FAM120C: variants seen among roughly 807,000 people sequenced by gnomAD.
FAM120C encodes constitutive coactivator of PPAR-gamma-like protein 2.
Under a neutral mutation model 71.2 loss-of-function variants are expected in FAM120C, and 14 were observed. The observed-to-expected ratio is 0.20, with a 90% CI of 0.13 to 0.31. The LOEUF is 0.31. FAM120C is among the 10% of genes least tolerant of loss of function. The pLI, the probability that FAM120C is intolerant of heterozygous loss-of-function variation, is 1.00. For missense variants in FAM120C, 500 were observed against 879.0 expected (o/e 0.57, Z 5.45); for synonymous variants, 354 against 353.2 (o/e 1.00, Z -0.03).
rs2146612523 is a variant in FAM120C at position 54,136,474 on chromosome X, T to C, written c.1258+17A>G. 8.6e-7 allele frequency: 1 copy of C among 1,166,697 alleles called. No homozygotes were observed. ...CCCCTATGAACAGAGCAGCTTAGGG[T>C]CAGATGGAAGCCTTACCTAGAAAGG... On this transcript the variant is annotated intron_variant, in intron 5 of 15. Coordinates refer to ENST00000375180, the MANE Select transcript of FAM120C (RefSeq NM_017848.6).
At chrX:54,079,860 C>A (rs2066756176) in intron 15 of FAM120C, among the ~76,000 whole-genome samples, 1 of 111,577 alleles carries the variant, frequency 9.0e-6, no homozygotes, top group South Asian at 3.7e-4. Flanking sequence ...CAAAGAAGTC[C>A]AATTTTTTAA....
intron 1 of FAM120C, chrX:54,171,523 T>C (rs1363475143): frequency 8.9e-6 from 1 of 112,103 alleles, no homozygotes; most frequent in Non-Finnish European, 1.9e-5. Flanking sequence ...AACTAGAAAA[T>C]TTATCATTAC....
chrX:54,083,868 C>T (rs1187359003), intron 13 of FAM120C, among the ~76,000 whole-genome samples: 2 of 110,329 alleles, frequency 1.8e-5, no homozygotes, highest in Non-Finnish European at 3.8e-5. Flanking sequence ...GACAGGTGCC[C>T]GCCACCATGC....
intron 4 of FAM120C, among the ~76,000 whole-genome samples, chrX:54,141,596 A>G (rs1557131677): frequency 9.1e-6 from 1 of 110,196 alleles, no homozygotes; most frequent in African/African-American, 3.3e-5. Context: ...ATTTGTATTC[A>G]TATCATTTGG....
rs1469426449 is a variant in FAM120C, at chrX:54,128,964, C to T, written c.2062+3728G>A. The stretch of plus-strand genomic sequence containing the variant: ...CACAAAACCGCCATTGTCATCATGG[C>T]CCGTTCTCAATGAGCTGTTGGGTAC... On this transcript the variant is annotated intron_variant, in intron 9 of 15. Coordinates refer to ENST00000375180, the MANE Select transcript of FAM120C (RefSeq NM_017848.6). Among the ~76,000 whole-genome samples the T allele has an allele frequency of 4.4e-4, 49 of 110,754 alleles. 1 individual carries two copies. In the East Asian group the frequency reaches 0.014, roughly 31 times the overall value.
chrX:54,077,983 G>A (rs1358235960), intron 15 of FAM120C, among the ~76,000 whole-genome samples: 2 of 76,827 alleles, frequency 2.6e-5, no homozygotes, highest in East Asian at 9.3e-4. Flanking sequence ...TCGCTCTGTC[G>A]CCCAGGCTGG....
intron 4 of FAM120C, among the ~76,000 whole-genome samples, chrX:54,143,773 C>T (rs922454582): frequency 8.9e-6 from 1 of 111,822 alleles, no homozygotes; most frequent in Non-Finnish European, 1.9e-5. Context: ...TGAGACTATT[C>T]CAATCAACAG....
intron 13 of FAM120C, among the ~76,000 whole-genome samples, chrX:54,084,087 GGAGGCAA>G (rs1369232112): frequency 9.0e-6 from 1 of 111,624 alleles, no homozygotes; most frequent in East Asian, 2.8e-4. Flanking sequence ...TGGGCTTTCA[GGAGGCAA>G]GAGGCTCCTT....
In FAM120C at chrX:54,182,866, A is replaced by AT. The variant is rs782725181; in HGVS notation, c.332_333insA (p.Gln112SerfsTer128). On this transcript the variant is annotated frameshift_variant, in exon 1 of 16. Transcript: ENST00000375180. LOFTEE classifies it high-confidence loss of function. Reference sequence around the variant, plus strand: ...CCAGCACCCGGGCCCCGGGCAGCTGAGGGGGCGGCGGCGGCGGCAGCGGAG... The same window carrying AT: ...CCAGCACCCGGGCCCCGGGCAGCTGATGGGGGCGGCGGCGGCGGCAGCGGAG... 1.1e-3 allele frequency: 1,140 copies of AT among 1,084,627 alleles called. 6 individuals are homozygous for AT. Among genetic ancestry groups the AT allele is most frequent in the Non-Finnish European group, 8.7e-4 (709 of 813,348 alleles). 89.4% of individuals were successfully genotyped at this position (1,084,627 alleles called of 1,213,427 possible).
At chrX:54,101,187 C>T (rs2066880494) in intron 10 of FAM120C, among the ~76,000 whole-genome samples, 1 of 111,533 alleles carries the variant, frequency 9.0e-6, no homozygotes, top group Non-Finnish European at 1.9e-5. Flanking sequence ...ACGACTTGTA[C>T]CTTCCTGAGC....
intron 9 of FAM120C, among the ~76,000 whole-genome samples, chrX:54,123,907 T>C (rs1294818467): frequency 2.2e-5 from 2 of 92,131 alleles, no homozygotes; most frequent in Non-Finnish European, 4.3e-5. Flanking sequence ...GGTGTAGATG[T>C]CCTTTCTGTT....
At chrX:54,169,079 C>T (rs781905061) in intron 1 of FAM120C, among the ~76,000 whole-genome samples, 14 of 111,215 alleles carry the variant, frequency 1.3e-4, no homozygotes, top group South Asian at 1.1e-3. Flanking sequence ...GCAGGAGGAT[C>T]GCCTGAGCCG....
chrX:54,130,276 A>C (rs1353117470), intron 9 of FAM120C, among the ~76,000 whole-genome samples: 2 of 111,594 alleles, frequency 1.8e-5, no homozygotes, highest in Non-Finnish European at 3.8e-5. Context: ...CCCATTCTGT[A>C]GGCTATTTAC....
chrX:54,156,940 G>A (rs1557133786), intron 3 of FAM120C, among the ~76,000 whole-genome samples: 1 of 107,821 alleles, frequency 9.3e-6, no homozygotes, highest in Non-Finnish European at 1.9e-5. Context: ...AGCTACTTGG[G>A]TGGCTGAGGC....
intron 10 of FAM120C, among the ~76,000 whole-genome samples, chrX:54,092,296 C>T (rs782523407): frequency 9.0e-6 from 1 of 110,954 alleles, no homozygotes; most frequent in Admixed American, 9.8e-5. Flanking sequence ...GTAATCCTAG[C>T]ACTTTGGGAG....
intron 9 of FAM120C, among the ~76,000 whole-genome samples, chrX:54,129,761 C>G (rs1403964741): frequency 8.9e-6 from 1 of 112,462 alleles, no homozygotes; most frequent in East Asian, 2.8e-4. Flanking sequence ...ACTCCGTCTG[C>G]AATCCCGGCT....
chrX:54,081,509 C>T (rs781817588), intron 13 of FAM120C, 49 bp from the exon 14 acceptor site: 11 of 1,156,637 alleles, frequency 9.5e-6, no homozygotes, highest in Admixed American at 2.6e-5. Context: ...TGGTGGTTCA[C>T]GCCTGTAATC....
At chrX:54,160,986 A>G (rs2067233557) in intron 1 of FAM120C, among the ~76,000 whole-genome samples, 1 of 112,037 alleles carries the variant, frequency 8.9e-6, no homozygotes, top group African/African-American at 3.2e-5. Flanking sequence ...GAGTCTAGTT[A>G]CAGTTGCTAG....
intron 10 of FAM120C, among the ~76,000 whole-genome samples, chrX:54,099,563 C>T (rs1476609958): frequency 1.8e-5 from 2 of 111,626 alleles, no homozygotes; most frequent in Non-Finnish European, 3.8e-5. Flanking sequence ...ACTGCCTAAC[C>T]TGAGTTCGTG....
Sources: allele counts gnomAD v4.1 joint callset (sites outside exome capture counted in the v4.1 genomes callset), GRCh38; gene constraint gnomAD v4.1.1; transcripts MANE v1.5; gene names NCBI Gene and HGNC (gene_info 2026-07-23, HGNC 2026-07-21).